The following EXOC6B variants were observed in gnomAD, a reference collection of about 807,000 sequenced individuals.
The protein encoded by EXOC6B is SEC15 homolog B.
A neutral mutation model predicts 113.5 loss-of-function variants in EXOC6B; 54 were observed. The ratio of observed to expected loss-of-function variants is 0.48; its 90% CI spans 0.38 to 0.60. EXOC6B has a LOEUF of 0.60. Among genes scored for constraint, EXOC6B ranks in the 20% least tolerant of loss-of-function variants. The pLI, the probability that EXOC6B is intolerant of heterozygous loss-of-function variation, is 0.00. For synonymous variants in EXOC6B, 357 were observed against 339.0 expected (o/e 1.05, Z -0.58); for missense variants, 797 against 977.5 (o/e 0.82, Z 2.46).
intron 6 of EXOC6B, among the ~76,000 whole-genome samples, chr2:72,702,126 G>A (rs1267625520): frequency 6.9e-6 from 1 of 144,684 alleles, no homozygotes; most frequent in East Asian, 2.0e-4. Context: ...CTGTGTCCAT[G>A]TGATCTCATT....
intron 19 of EXOC6B, among the ~76,000 whole-genome samples, chr2:72,359,188 G>A (rs1200253833): frequency 2.0e-5 from 3 of 152,238 alleles, no homozygotes; most frequent in South Asian, 2.1e-4. Context: ...TTGAATGTTA[G>A]TGTCCACTCT....
intron 20 of EXOC6B, among the ~76,000 whole-genome samples, chr2:72,228,161 G>C (rs904305495): frequency 6.6e-6 from 1 of 152,210 alleles, no homozygotes; most frequent in Non-Finnish European, 1.5e-5. Flanking sequence ...GTATGGGGCT[G>C]ATGAGGTATG....
chr2:72,538,044 A>G (rs1259936604), intron 8 of EXOC6B, among the ~76,000 whole-genome samples: 6 of 151,900 alleles, frequency 3.9e-5, no homozygotes, highest in Non-Finnish European at 8.8e-5. Context: ...AGTTACCTCA[A>G]ACTCCTGGGC....
chr2:72,736,609 T>G (rs559248376), intron 2 of EXOC6B, among the ~76,000 whole-genome samples: 1 of 152,152 alleles, frequency 6.6e-6, no homozygotes, highest in South Asian at 2.1e-4. Context: ...ATTTGCAACT[T>G]GAAGAAATTT....
intron 20 of EXOC6B, among the ~76,000 whole-genome samples, chr2:72,265,100 GA>G (rs1392703287): frequency 2.6e-5 from 4 of 151,936 alleles, no homozygotes; most frequent in Non-Finnish European, 4.4e-5. Context: ...GGAACGTTTG[GA>G]ACTTCCTAGA....
At chr2:72,572,110 AT>A (rs1176344537) in intron 7 of EXOC6B, among the ~76,000 whole-genome samples, 1 of 152,160 alleles carries the variant, frequency 6.6e-6, no homozygotes, top group Non-Finnish European at 1.5e-5. Context: ...CAAGTACTGT[AT>A]TTATTGCCAG....
intron 6 of EXOC6B, among the ~76,000 whole-genome samples, chr2:72,675,824 G>C (rs72916247): frequency 6.6e-6 from 1 of 151,492 alleles, no homozygotes; most frequent in Non-Finnish European, 1.5e-5. Flanking sequence ...TGGTGGGGGC[G>C]GGGGGGCGGA....
chr2:72,559,028 A>G (rs567048016), intron 8 of EXOC6B, among the ~76,000 whole-genome samples: 4 of 152,282 alleles, frequency 2.6e-5, no homozygotes, highest in South Asian at 4.1e-4. Context: ...TTAGAATATT[A>G]TTAACATCTA....
intron 20 of EXOC6B, among the ~76,000 whole-genome samples, chr2:72,299,570 G>T (rs186542428): frequency 9.2e-5 from 14 of 152,114 alleles, no homozygotes; most frequent in African/African-American, 3.4e-4. Context: ...CCTTGTTGGC[G>T]ATCCTTTGGG....
chr2:72,226,563 G>C (rs1193943415), intron 20 of EXOC6B, among the ~76,000 whole-genome samples: 1 of 152,186 alleles, frequency 6.6e-6, no homozygotes, highest in Non-Finnish European at 1.5e-5. Context: ...GGTGTTGCTG[G>C]AAAGTAAAGT....
At chr2:72,511,798 G>T (rs540501067) in intron 11 of EXOC6B, among the ~76,000 whole-genome samples, 1 of 152,120 alleles carries the variant, frequency 6.6e-6, no homozygotes, top group South Asian at 2.1e-4. Context: ...CTCTGAGAGG[G>T]CTATGTTCCC....
At chr2:72,710,143 C>T (rs892700338) in intron 6 of EXOC6B, among the ~76,000 whole-genome samples, 1 of 151,896 alleles carries the variant, frequency 6.6e-6, no homozygotes, top group African/African-American at 2.4e-5. Flanking sequence ...TTACTTTTTA[C>T]CCTAAAGAAC....
chr2:72,822,975 CAA>C (rs1283198834), intron 1 of EXOC6B, among the ~76,000 whole-genome samples: 2 of 151,910 alleles, frequency 1.3e-5, no homozygotes, highest in African/African-American at 4.8e-5. Flanking sequence ...TCTGAAACAT[CAA>C]GTCTGTGCAT....
chr2:72,505,708 C>A (rs1265605810), intron 11 of EXOC6B, among the ~76,000 whole-genome samples: 1 of 152,050 alleles, frequency 6.6e-6, no homozygotes, highest in Non-Finnish European at 1.5e-5. Context: ...TCTTCTTTAA[C>A]CCATTTTAAT....
intron 20 of EXOC6B, among the ~76,000 whole-genome samples, chr2:72,252,961 G>T (rs1683121939): frequency 6.6e-6 from 1 of 152,076 alleles, no homozygotes; most frequent in African/African-American, 2.4e-5. Context: ...GTGGATAATG[G>T]TGAACCTCAA....
At chr2:72,662,802 G>A (rs1460341143) in intron 6 of EXOC6B, among the ~76,000 whole-genome samples, 2 of 151,810 alleles carry the variant, frequency 1.3e-5, no homozygotes, top group Non-Finnish European at 2.9e-5. Context: ...GCAGTGGCAC[G>A]ATCTCAGCTC....
intron 20 of EXOC6B, among the ~76,000 whole-genome samples, chr2:72,239,336 C>A (rs68172337): frequency 0.23 from 35,562 of 152,070 alleles, 7,304 homozygotes; most frequent in African/African-American, 0.56. Context: ...GTCTTTGATA[C>A]ACTTTGAGTT....
chr2:72,559,599 G>T, intron 7 of EXOC6B, 78 bp from the exon 8 acceptor site: 1 of 1,196,982 alleles, frequency 8.4e-7, no homozygotes. Flanking sequence ...CTACTCAAGT[G>T]TTTGGTTCTT....
chr2:72,267,659 A>C (rs1370385064), intron 20 of EXOC6B, among the ~76,000 whole-genome samples: 1 of 152,198 alleles, frequency 6.6e-6, no homozygotes, highest in Non-Finnish European at 1.5e-5. Context: ...TCGGTCTGCC[A>C]GTATTTTATT....
Sources: gnomAD v4.1 joint callset for allele counts (sites outside exome capture counted in the v4.1 genomes callset) on GRCh38, gnomAD v4.1.1 for gene constraint, MANE v1.5 for transcripts, NCBI Gene and HGNC (gene_info 2026-07-23, HGNC 2026-07-21) for gene names.